RFTN2: variants seen among roughly 807,000 people sequenced by gnomAD.
The protein encoded by RFTN2 is raftlin-2.
Under a neutral mutation model 52.7 loss-of-function variants are expected in RFTN2, and 34 were observed. The ratio of observed to expected loss-of-function variants is 0.64; its 90% CI spans 0.49 to 0.86. The LOEUF is 0.86. RFTN2 is among the 40% of genes least tolerant of loss of function. The probability of loss-of-function intolerance (pLI) is 0.00; values close to 1 mark genes in which losing one functional copy is unlikely to be tolerated. For missense variants in RFTN2, 536 were observed against 600.1 expected, an observed-to-expected ratio of 0.89 and a Z score of 1.12; for synonymous variants, 203 against 217.7, an observed-to-expected ratio of 0.93 and a Z score of 0.59.
chr2:197,624,373 G>C (rs1293759246), intron 5 of RFTN2, among the ~76,000 whole-genome samples: 1 of 151,808 alleles, frequency 6.6e-6, no homozygotes, highest in Non-Finnish European at 1.5e-5. Flanking sequence ...GCTGAGGTGG[G>C]CGGATCACAA....
chr2:197,624,609 A>G (rs2088323530), intron 5 of RFTN2, among the ~76,000 whole-genome samples: 1 of 150,074 alleles, frequency 6.7e-6, no homozygotes, highest in Non-Finnish European at 1.5e-5. Flanking sequence ...AAAAAAAAAA[A>G]AAAAAAAAAA....
chr2:197,584,031 G>C (rs1193021864), intron 8 of RFTN2, among the ~76,000 whole-genome samples: 2 of 152,116 alleles, frequency 1.3e-5, no homozygotes, highest in Non-Finnish European at 2.9e-5. Context: ...TATCATTGAT[G>C]GACATTCGGG....
At position 197,631,147 on chromosome 2, in the gene RFTN2, G is replaced by T. The variant is rs1242135086; in HGVS notation, c.792C>A (p.Gly264=). ...TTCTTGTTACTTTCATTGACAGGATGCCTTCCTGATAGGCCCAGGAGGTTG... is the reference window on the plus strand; with the variant it reads ...TTCTTGTTACTTTCATTGACAGGATTCCTTCCTGATAGGCCCAGGAGGTTG... The part of the protein sequence containing the change: ...DDSTSWAYQE[G]ILSMKVTRKG... The change falls in exon 5 of 9, where the codon GGC becomes GGA. Residue 264 remains glycine, a synonymous_variant. Coordinates refer to ENST00000295049, the MANE Select transcript of RFTN2 (RefSeq NM_144629.3). 3.1e-6 allele frequency: 5 copies of T among 1,613,392 alleles called. No individual in the cohort carries two copies. Among genetic ancestry groups the T allele is most frequent in the Non-Finnish European group, 4.2e-6 (5 of 1,179,498 alleles).
chr2:197,675,296 A>G, intron 1 of RFTN2, 24 bp downstream of exon 1: 1 of 1,551,394 alleles, frequency 6.4e-7, no homozygotes, highest in Non-Finnish European at 8.7e-7. Flanking sequence ...AACATTTAAC[A>G]AACAAAATAG....
At chr2:197,672,197 C>G (rs2089156126) in intron 1 of RFTN2, among the ~76,000 whole-genome samples, 1 of 152,080 alleles carries the variant, frequency 6.6e-6, no homozygotes. Flanking sequence ...GCATAAAGTT[C>G]CAGAAAAATT....
rs1185736195 is a variant in RFTN2 at position 197,633,953 on chromosome 2, T to C, written c.483A>G (p.Ile161Met). Residue 161 changes from isoleucine to methionine, a missense_variant, in exon 4 of 9, where the codon ATA becomes ATG. Coordinates refer to ENST00000295049, the MANE Select transcript of RFTN2 (RefSeq NM_144629.3). ...AKRGMKFVGF[I>M]SQHYSPSKFC... ...ATTTAGATGGAGAATAATGCTGTGA[T>C]ATGAATCCAACAAATTTCATTCCTC... The C allele has an allele frequency of 6.8e-6, 11 of 1,613,224 alleles. No individual in the cohort carries two copies. The highest frequency in any genetic ancestry group is 1.6e-4 in the Middle Eastern group (1 of 6,080).
At chr2:197,609,950 G>A (rs895630172) in intron 7 of RFTN2, among the ~76,000 whole-genome samples, 8 of 152,084 alleles carry the variant, frequency 5.3e-5, no homozygotes, top group African/African-American at 1.9e-4. Flanking sequence ...TATTTCTAAG[G>A]CCTCTGTTCT....
chr2:197,603,653 C>T (rs957926996), intron 7 of RFTN2, among the ~76,000 whole-genome samples: 1 of 152,070 alleles, frequency 6.6e-6, no homozygotes, highest in Non-Finnish European at 1.5e-5. Context: ...TGGTGGCTCA[C>T]GCCTGTAATC....
At position 197,628,219 on chromosome 2, in the gene RFTN2, T is replaced by C. The variant is rs527373176; in HGVS notation, c.928+2792A>G. 7.4e-4 allele frequency among the ~76,000 whole-genome samples: 113 copies of C among 152,306 alleles called. 2 individuals carry two copies. In the South Asian group the frequency reaches 0.011, roughly 14 times the overall value. Reference sequence around the variant, plus strand: ...TGTGTACTCCCAGGAAAGTCCCAAATGACATGCTCAGTTGCCAGACCCCAT... The same window carrying C: ...TGTGTACTCCCAGGAAAGTCCCAAACGACATGCTCAGTTGCCAGACCCCAT... On this transcript the variant is annotated intron_variant, in intron 5 of 8. Transcript: ENST00000295049.
chr2:197,656,344 A>C (rs1321069734), intron 1 of RFTN2, among the ~76,000 whole-genome samples: 1 of 152,238 alleles, frequency 6.6e-6, no homozygotes, highest in Non-Finnish European at 1.5e-5. Context: ...CTTTAAGAGC[A>C]TTAGGCTCTG....
At position 197,640,639 on chromosome 2, in the gene RFTN2, C is replaced by T. The variant is rs368662765; in HGVS notation, c.438+3519G>A. 4.3e-3 allele frequency among the ~76,000 whole-genome samples: 657 copies of T among 152,352 alleles called. 2 individuals carry two copies. Among genetic ancestry groups the T allele is most frequent in the African/African-American group, 0.015 (630 of 41,590 alleles). On this transcript the variant is annotated intron_variant, in intron 3 of 8. Transcript: ENST00000295049. ...ACTGACCTGCGCCCACTGTCTGGCA[C>T]TCCCTAGTGAGATGAACCCGGTACC...
intron 8 of RFTN2, among the ~76,000 whole-genome samples, chr2:197,575,879 T>A (rs2087408188): frequency 7.7e-6 from 1 of 130,412 alleles, no homozygotes; most frequent in African/African-American, 2.8e-5. Flanking sequence ...ATATTATATA[T>A]TATATATAAT....
chr2:197,612,487 A>C (rs1026170149), intron 7 of RFTN2, among the ~76,000 whole-genome samples: 1 of 152,210 alleles, frequency 6.6e-6, no homozygotes, highest in African/African-American at 2.4e-5. Context: ...GTTTAACAAT[A>C]TTAGCTGCTA....
intron 5 of RFTN2, among the ~76,000 whole-genome samples, chr2:197,622,616 G>C (rs921078877): frequency 6.6e-6 from 1 of 152,096 alleles, no homozygotes; most frequent in Non-Finnish European, 1.5e-5. Flanking sequence ...TAAAACTATA[G>C]ATTTTCAGCG....
chr2:197,595,939 G>T, intron 8 of RFTN2, 52 bp downstream of exon 8: 1 of 1,209,766 alleles, frequency 8.3e-7, no homozygotes, highest in Non-Finnish European at 1.2e-6. Context: ...AGAGTTTAAG[G>T]ATTAAATGCT....
rs138508855 is a variant in RFTN2 at position 197,633,850 on chromosome 2, T to A, written c.586A>T (p.Ser196Cys). Residue 196 changes from serine (S) to cysteine (C), a missense_variant, in exon 4 of 9, where the codon AGT (serine) becomes TGT (cysteine). Ser to Cys is a moderately radical substitution (Grantham distance 112). Coordinates refer to ENST00000295049, the MANE Select transcript of RFTN2 (RefSeq NM_144629.3). ...CCACTTAACGTCCCTTCATTCCAAC[T>A]TCTACAGTTTTCATCTGAACCGTGT... Reference protein sequence around the residue: ...VRHGSDENCRSWNEGTLSGQS... With the variant: ...VRHGSDENCRCWNEGTLSGQS... The A allele has an allele frequency of 4.8e-5, 78 of 1,613,964 alleles. No homozygotes were observed. The African/African-American group carries it at 9.7e-4, about 20-fold the overall frequency.
At chr2:197,628,615 AG>A (rs869166916) in intron 5 of RFTN2, among the ~76,000 whole-genome samples, 5 of 141,354 alleles carry the variant, frequency 3.5e-5, no homozygotes, top group Non-Finnish European at 7.7e-5. Context: ...GAGAAACAAG[AG>A]AGAAAGAGAA....
chr2:197,662,473 C>T (rs2088990831), intron 1 of RFTN2, among the ~76,000 whole-genome samples: 1 of 152,172 alleles, frequency 6.6e-6, no homozygotes. Context: ...TTCCATTGGT[C>T]TATACCAATA....
chr2:197,588,333 T>C (rs1006821944), intron 8 of RFTN2, among the ~76,000 whole-genome samples: 17 of 152,344 alleles, frequency 1.1e-4, no homozygotes, highest in African/African-American at 4.1e-4. Flanking sequence ...TGTGTATCAG[T>C]AAGTTCTTTC....
Sources: allele counts gnomAD v4.1 joint callset (sites outside exome capture counted in the v4.1 genomes callset), GRCh38; gene constraint gnomAD v4.1.1; transcripts MANE v1.5; gene names NCBI Gene and HGNC (gene_info 2026-07-23, HGNC 2026-07-21).